Variants in FBXO27 observed in about 807,000 individuals in gnomAD.
The protein encoded by FBXO27 is F-box protein 27, also known as F-box only protein 27.
Under a neutral mutation model 28.3 loss-of-function variants are expected in FBXO27, and 28 were observed. The observed-to-expected ratio is 0.99, with a 90% CI of 0.73 to 1.36. The LOEUF is 1.36. Ranked by LOEUF, FBXO27 falls within the 40% of genes most tolerant of loss-of-function variation. FBXO27 has a pLI of 0.00. For missense variants in FBXO27, 388 were observed against 394.1 expected (o/e 0.98, Z 0.13); for synonymous variants, 175 against 167.3 (o/e 1.05, Z -0.36).
At chr19:39,025,626 G>A (rs1009571195) in intron 5 of FBXO27, 72 bp from the exon 6 acceptor site, 7 of 1,511,158 alleles carry the variant, frequency 4.6e-6, no homozygotes, top group Middle Eastern at 1.8e-4. Flanking sequence ...AGGGCCTTCT[G>A]GAAGATGGTT....
rs371562321 is a variant in FBXO27 at position 39,025,428 on chromosome 19, G to A, written c.835C>T (p.Arg279Ter). ...ARVTNSSVIV[R>*]VRLS is the part of the protein sequence containing the mutation. ...GTGCTGGACTAGGACAGACGGACTC[G>A]CACGATCACACTGGAGTTGGTCACA... is the stretch of plus-strand genomic sequence containing the variant. Residue 279 changes from arginine (R) to a stop codon, truncating the protein, a stop_gained, in exon 6 of 6, where the codon CGA becomes TGA. Transcript: ENST00000292853. LOFTEE classifies it high-confidence loss of function. 2.1e-5 allele frequency: 34 copies of A among 1,613,660 alleles called. No individual in the cohort carries two copies. Among genetic ancestry groups the A allele is most frequent in the Admixed American group, 1.7e-5 (1 of 59,950 alleles).
chr19:39,007,904 G>A lies in FBXO27; in HGVS notation c.252+6483C>T, dbSNP rs561988369. Among the ~76,000 whole-genome samples the A allele has an allele frequency of 7.9e-5, 12 of 151,436 alleles. No individual in the cohort carries two copies. In the South Asian group the frequency reaches 1.7e-3, roughly 21 times the overall value. ...TGGGCTCAAGAAATCTGCCTGCCTC[G>A]GCCTCCCAAAGTGCTGGGATTATAG... On this transcript the variant is annotated intron_variant, in intron 2 of 2. Transcript: ENST00000598394.
chr19:39,014,369 T>C (rs2072809696), intron 2 of FBXO27: 1 of 152,118 alleles, frequency 6.6e-6, no homozygotes, highest in Admixed American at 6.6e-5. Context: ...CAAACAAGGC[T>C]TTCCTAAGCC....
At chr19:39,015,100 G>A (rs1205302249) in intron 1 of FBXO27, among the ~76,000 whole-genome samples, 1 of 151,284 alleles carries the variant, frequency 6.6e-6, no homozygotes, top group Non-Finnish European at 1.5e-5. Context: ...TGGATTGCTT[G>A]AGTCCAGGAG....
At chr19:39,013,217 G>A (rs1044222572) in intron 2 of FBXO27, among the ~76,000 whole-genome samples, 1 of 152,144 alleles carries the variant, frequency 6.6e-6, no homozygotes, top group African/African-American at 2.4e-5. Flanking sequence ...TTGAGCACAA[G>A]GCAACAGAAA....
intron 1 of FBXO27, among the ~76,000 whole-genome samples, chr19:39,017,007 C>A (rs1018894076): frequency 3.9e-5 from 6 of 151,966 alleles, no homozygotes; most frequent in Non-Finnish European, 8.8e-5. Flanking sequence ...ATCATTTGAG[C>A]CCAGGAGGTC....
intron 1 of FBXO27, among the ~76,000 whole-genome samples, chr19:39,017,661 T>TTA (rs201117108): frequency 4.9e-5 from 3 of 61,488 alleles, no homozygotes; most frequent in Non-Finnish European, 7.4e-5. Flanking sequence ...CGAGACTGTC[T>TTA]CAAAAAAAAA....
chr19:39,022,666 G>C (rs1303961528), downstream of FBXO27, among the ~76,000 whole-genome samples: 1 of 152,122 alleles, frequency 6.6e-6, no homozygotes, highest in Non-Finnish European at 1.5e-5. Flanking sequence ...GCCCAGGCTG[G>C]AGTTCAGTGG....
intron 2 of FBXO27, among the ~76,000 whole-genome samples, chr19:39,013,582 A>T (rs763386757): frequency 6.6e-6 from 1 of 151,872 alleles, no homozygotes; most frequent in Non-Finnish European, 1.5e-5. Flanking sequence ...GTGAGCTGAG[A>T]TCACACCACT....
chr19:39,007,473 C>A (rs1056025100), intron 2 of FBXO27, among the ~76,000 whole-genome samples: 2 of 152,068 alleles, frequency 1.3e-5, no homozygotes, highest in Non-Finnish European at 2.9e-5. Flanking sequence ...TCAAATCAGT[C>A]CAGCAGCTTG....
At chr19:39,015,199 GTC>G (rs1245013897) in intron 1 of FBXO27, among the ~76,000 whole-genome samples, 2 of 150,844 alleles carry the variant, frequency 1.3e-5, no homozygotes, top group Non-Finnish European at 3.0e-5. Context: ...TGCCCTTGTG[GTC>G]TCAGCTACTT....
At chr19:39,023,666 C>T (rs1486184128), downstream of FBXO27, among the ~76,000 whole-genome samples, 1 of 151,708 alleles carries the variant, frequency 6.6e-6, no homozygotes, top group Non-Finnish European at 1.5e-5. Context: ...CAGGATGGAG[C>T]GCAGTGATGC....
chr19:39,011,489 G>A (rs1027583981), intron 2 of FBXO27, among the ~76,000 whole-genome samples: 2 of 152,132 alleles, frequency 1.3e-5, no homozygotes, highest in African/African-American at 4.8e-5. Flanking sequence ...AATTTAGGGA[G>A]TATTGTCATC....
At position 39,031,225 on chromosome 19, in the gene FBXO27, A is replaced by G. The variant is rs1207317244; in HGVS notation, c.460T>C (p.Phe154Leu). 1.2e-6 allele frequency: 2 copies of G among 1,614,140 alleles called. No individual in the cohort carries two copies. Among genetic ancestry groups the G allele is most frequent in the East Asian group, 4.5e-5 (2 of 44,880 alleles). The change falls in exon 3 of 6, where the codon TTC (phenylalanine) becomes CTC (leucine). Residue 154 changes from phenylalanine to leucine, a missense_variant. Transcript: ENST00000292853. ...TVPGAPSQTC[F>L]VTSFSWCCKK... The stretch of plus-strand genomic sequence containing the variant: ...GGCATTCACCTGAATGAAGTCACGA[A>G]GCACGTCTGAGAAGGGGCCCCAGGC...
chr19:39,021,318 G>A (rs547862568), downstream of FBXO27, among the ~76,000 whole-genome samples: 20 of 152,156 alleles, frequency 1.3e-4, no homozygotes, highest in African/African-American at 4.8e-4. Flanking sequence ...TTTCTGTAAA[G>A]TACCTGCCTG....
In FBXO27 at chr19:39,014,128, G is replaced by T. The variant is rs371844202; in HGVS notation, c.252+259C>A. Among the ~76,000 whole-genome samples, 16 of 152,330 alleles carry T rather than the reference G, an allele frequency of 1.1e-4. No individual in the cohort carries two copies. In the South Asian group the frequency reaches 2.1e-3, roughly 20 times the overall value. On this transcript the variant is annotated intron_variant, in intron 2 of 2. Transcript: ENST00000598394. Reference sequence around the variant, plus strand: ...CGGAGGGTGCCCTAAGTCTGCAATGGTCTCATAGTCGAAGTGCTGTTCCTG... The same window carrying T: ...CGGAGGGTGCCCTAAGTCTGCAATGTTCTCATAGTCGAAGTGCTGTTCCTG...
In FBXO27 at chr19:39,031,861, C is replaced by T; in HGVS notation, c.364+3G>A. 1.4e-6 allele frequency: 2 copies of T among 1,475,004 alleles called. No homozygotes were observed. The highest frequency in any genetic ancestry group is 1.4e-5 in the South Asian group (1 of 71,658). The allele number at this position is 1,475,004 out of a possible 1,614,324, so 91.4% of individuals were successfully genotyped here. On this transcript the variant is annotated splice_donor_region_variant and intron_variant, in intron 2 of 5. Coordinates refer to ENST00000292853, the MANE Select transcript of FBXO27 (RefSeq NM_178820.5). ...TCCTGGACTTCCTCTTCCGAGATCC[C>T]ACCTTGGCCGCAGGGGTTGCGAATA...
At chr19:39,020,804 C>A (rs966231658), downstream of FBXO27, among the ~76,000 whole-genome samples, 5 of 141,326 alleles carry the variant, frequency 3.5e-5, no homozygotes, top group African/African-American at 7.9e-5. Context: ...AGCCATGGAT[C>A]TTGGGGAAAT....
chr19:39,018,991 C>G (rs1315593320), intron 1 of FBXO27, among the ~76,000 whole-genome samples: 3 of 150,478 alleles, frequency 2.0e-5, no homozygotes, highest in Non-Finnish European at 2.9e-5. Context: ...ATCACTTGAA[C>G]CCGGGAGGCA....
Sources: allele counts gnomAD v4.1 joint callset (sites outside exome capture counted in the v4.1 genomes callset), GRCh38; gene constraint gnomAD v4.1.1; transcripts MANE v1.5; gene names NCBI Gene and HGNC (gene_info 2026-07-23, HGNC 2026-07-21).